Variants in EP300 observed in about 807,000 individuals in gnomAD.
The protein encoded by EP300 is EP300 lysine acetyltransferase.
In EP300, 31 loss-of-function variants were observed where a neutral mutation model predicts 264.0. That is an observed-to-expected ratio of 0.12 (90% CI 0.09 to 0.16). EP300 has a LOEUF of 0.16. Among genes scored for constraint, EP300 ranks in the 10% least tolerant of loss-of-function variants. The pLI is 1.00. For missense variants in EP300, 2,766 were observed against 3,052.9 expected (o/e 0.91, Z 2.21); for synonymous variants, 1,340 against 1,045.4 (o/e 1.28, Z -5.44).
chr22:41,156,748 G>A (rs1311385169), intron 17 of EP300, among the ~76,000 whole-genome samples: 5 of 151,872 alleles, frequency 3.3e-5, no homozygotes, highest in Admixed American at 3.3e-4. Context: ...GTGCTTCCAG[G>A]GGCAAAAGCC....
At chr22:41,095,960 T>C (rs2058699799) in intron 1 of EP300, among the ~76,000 whole-genome samples, 1 of 152,174 alleles carries the variant, frequency 6.6e-6, no homozygotes, top group African/African-American at 2.4e-5. Flanking sequence ...TCCTAAAAAA[T>C]TTCCAGGTTG....
chr22:41,107,998 C>G (rs1189249584), intron 1 of EP300: 2 of 152,190 alleles, frequency 1.3e-5, no homozygotes, highest in African/African-American at 4.8e-5. Context: ...CCACCACGCC[C>G]GGCCACCGAG....
intron 25 of EP300, 186 bp downstream of exon 25, chr22:41,169,053 A>T: frequency 1.3e-6 from 1 of 756,846 alleles, no homozygotes. Context: ...TAACCGCTCA[A>T]TACTGCTCTT....
intron 1 of EP300, 143 bp from the exon 2 acceptor site, chr22:41,117,042 CAG>C (rs2058825364): frequency 1.3e-6 from 1 of 769,024 alleles, no homozygotes; most frequent in South Asian, 1.6e-5. Flanking sequence ...GCCTGTGCAA[CAG>C]AGTAAGACCC....
chr22:41,158,042 T>G (rs1601625269), intron 18 of EP300, among the ~76,000 whole-genome samples: 1 of 152,290 alleles, frequency 6.6e-6, no homozygotes, highest in East Asian at 1.9e-4. Flanking sequence ...CCAATTCACA[T>G]TATTGGTTTT....
chr22:41,177,603 C>T lies in EP300; in HGVS notation c.5892C>T (p.Pro1964=), dbSNP rs377315704. The T allele has an allele frequency of 6.2e-7, 1 of 1,614,056 alleles. No homozygotes were observed. The highest frequency in any genetic ancestry group is 8.5e-7 in the Non-Finnish European group (1 of 1,180,036). ...HQMPPMTPMA[P]MGMNPPPMTR... The stretch of plus-strand genomic sequence containing the variant: ...TGCCCCCGATGACTCCCATGGCCCC[C>T]ATGGGTATGAACCCACCTCCCATGA... Residue 1964 remains proline (P), a synonymous_variant, in exon 31 of 31, where the codon CCC becomes CCT. Transcript: ENST00000263253.
chr22:41,153,059 T>G (rs975474216), intron 16 of EP300, among the ~76,000 whole-genome samples: 1 of 152,096 alleles, frequency 6.6e-6, no homozygotes, highest in Non-Finnish European at 1.5e-5. Context: ...CCCGGCCTCA[T>G]TTAATAATTT....
chr22:41,178,380 G>A lies in EP300; in HGVS notation c.6669G>A (p.Gln2223=), dbSNP rs2145521765. Residue 2223 remains glutamine, a synonymous_variant, in exon 31 of 31, where the codon CAG becomes CAA. Transcript: ENST00000263253. ...QPQGVGYPPQ[Q]QQRMQHHMQQ... ...AAGGAGTTGGCTACCCACCACAGCA[G>A]CAGCAGCGGATGCAGCATCACATGC... is the stretch of plus-strand genomic sequence containing the variant. 1 of 1,614,174 alleles carries A rather than the reference G, an allele frequency of 6.2e-7. No individual in the cohort carries two copies. Among genetic ancestry groups the A allele is most frequent in the Non-Finnish European group, 8.5e-7 (1 of 1,180,022 alleles).
rs777530816 is a variant in EP300 at position 41,176,310 on chromosome 22, C to A, written c.4843C>A (p.Pro1615Thr). 2 of 1,614,234 alleles carry A rather than the reference C, an allele frequency of 1.2e-6. No homozygotes were observed. The highest frequency in any genetic ancestry group is 2.2e-5 in the South Asian group (2 of 91,086). Residue 1615 changes from proline to threonine, a missense_variant, in exon 30 of 31, where the codon CCT (proline) becomes ACT (threonine). Pro to Thr is a conservative substitution (Grantham distance 38). Coordinates refer to ENST00000263253, the MANE Select transcript of EP300 (RefSeq NM_001429.4). ...AANSLPPIVD[P>T]DPLIPCDLMD... ...CAACTCCCTGCCTCCCATTGTTGAT[C>A]CTGATCCTCTCATCCCCTGCGATCT...
chr22:41,117,087 G>T, intron 1 of EP300, 100 bp from the exon 2 acceptor site: 1 of 1,041,282 alleles, frequency 9.6e-7, no homozygotes, highest in Non-Finnish European at 1.5e-6. Context: ...ATGGAGTGAG[G>T]TTGGGAAATG....
intron 1 of EP300, among the ~76,000 whole-genome samples, chr22:41,094,805 G>T (rs147579011): frequency 2.0e-5 from 3 of 152,120 alleles, no homozygotes; most frequent in Non-Finnish European, 2.9e-5. Flanking sequence ...TTGGAACGTA[G>T]GGGAAACTTT....
At chr22:41,163,229 A>C (rs2059116997) in intron 21 of EP300, among the ~76,000 whole-genome samples, 1 of 143,432 alleles carries the variant, frequency 7.0e-6, no homozygotes, top group Non-Finnish European at 1.5e-5. Flanking sequence ...AGGTCAGGAG[A>C]TCGAGACCAT....
rs771143704 is a variant in EP300, at chr22:41,178,960, C to T, written c.*4C>T. ...GAGTACACTAGACATACACTAGAGACACCTTGTAGTATTTTGGGAGCAAAA... is the reference window on the plus strand; with the variant it reads ...GAGTACACTAGACATACACTAGAGATACCTTGTAGTATTTTGGGAGCAAAA... On this transcript the variant is annotated 3_prime_UTR_variant, in exon 31 of 31. Transcript: ENST00000263253. The T allele has an allele frequency of 3.7e-6, 6 of 1,601,930 alleles. No individual in the cohort carries two copies. The highest frequency in any genetic ancestry group is 4.3e-6 in the Non-Finnish European group (5 of 1,175,028).
chr22:41,160,106 GTTC>G (rs2059099329), intron 19 of EP300: 1 of 157,998 alleles, frequency 6.3e-6, no homozygotes, highest in East Asian at 1.9e-4. Context: ...ATGAGTAGCA[GTTC>G]TTCTCTCCCT....
intron 1 of EP300, among the ~76,000 whole-genome samples, chr22:41,116,144 G>T (rs1193783407): frequency 6.6e-6 from 1 of 151,814 alleles, no homozygotes; most frequent in Non-Finnish European, 1.5e-5. Context: ...AATGGGTGTT[G>T]CACTTTTTTT....
chr22:41,127,566 C>T lies in EP300; in HGVS notation c.986C>T (p.Thr329Ile). 1.2e-6 allele frequency: 2 copies of T among 1,614,230 alleles called. No homozygotes were observed. Among genetic ancestry groups the T allele is most frequent in the Non-Finnish European group, 1.7e-6 (2 of 1,180,038 alleles). Residue 329 changes from threonine (T) to isoleucine (I), a missense_variant, in exon 4 of 31, where the codon ACA becomes ATA. Physicochemically the swap from Thr to Ile is moderately conservative, Grantham distance 89. Transcript: ENST00000263253. ...VAQGMGSGAH[T>I]ADPEKRKLIQ... Reference sequence around the variant, plus strand: ...CAAGGGATGGGTTCTGGAGCACATACAGCTGATCCAGAGAAGCGCAAGCTC... The same window carrying T: ...CAAGGGATGGGTTCTGGAGCACATATAGCTGATCCAGAGAAGCGCAAGCTC...
rs1397723890 is a variant in EP300, at chr22:41,093,112, G to T, written c.94+14G>T. The T allele has an allele frequency of 6.2e-7, 1 of 1,613,412 alleles. No homozygotes were observed. Among genetic ancestry groups the T allele is most frequent in the Non-Finnish European group, 8.5e-7 (1 of 1,179,496 alleles). On this transcript the variant is annotated intron_variant, in intron 1 of 30. Coordinates refer to ENST00000263253, the MANE Select transcript of EP300 (RefSeq NM_001429.4). ...GCGATGGCACAGGTTAGTTTCGGCA[G>T]CCCCGGCCTTCCACGTTCCCTTTAA...
At position 41,177,498 on chromosome 22, in the gene EP300, A is replaced by C; in HGVS notation, c.5787A>C (p.Ala1929=). 1 of 1,614,156 alleles carries C rather than the reference A, an allele frequency of 6.2e-7. No individual in the cohort carries two copies. The change falls in exon 31 of 31, where the codon GCA becomes GCC. Residue 1929 remains alanine (A), a synonymous_variant. Transcript: ENST00000263253. ...CCCCACCTGCAGCAGTGGAAATGGC[A>C]ATGCAGATTCAGAGAGCAGCGGAGA... is the stretch of plus-strand genomic sequence containing the variant. ...PGPPPAAVEM[A]MQIQRAAETQ...
At chr22:41,159,373 G>A (rs775516667) in intron 19 of EP300, 6 of 152,132 alleles carry the variant, frequency 3.9e-5, no homozygotes, top group Admixed American at 1.3e-4. Flanking sequence ...AAAGTTAGGC[G>A]TGCTTCTAAT....
Sources: allele counts gnomAD v4.1 joint callset (sites outside exome capture counted in the v4.1 genomes callset), GRCh38; gene constraint gnomAD v4.1.1; transcripts MANE v1.5; gene names NCBI Gene and HGNC (gene_info 2026-07-23, HGNC 2026-07-21).